Variants in SESN3 observed in about 807,000 individuals in gnomAD.
SESN3 encodes sestrin-3.
A neutral mutation model predicts 55.3 loss-of-function variants in SESN3; 21 were observed. The observed-to-expected ratio is 0.38, with a 90% CI of 0.27 to 0.55. The LOEUF (loss-of-function observed/expected upper bound fraction) is 0.55. Among genes scored for constraint, SESN3 ranks in the 20% least tolerant of loss-of-function variants. The pLI is 0.76. For synonymous variants in SESN3, 181 were observed against 203.1 expected, an observed-to-expected ratio of 0.89 and a Z score of 0.93; for missense variants, 408 against 604.3, an observed-to-expected ratio of 0.68 and a Z score of 3.41.
At chr11:95,212,986 CTT>C (rs994684290) in intron 1 of SESN3, among the ~76,000 whole-genome samples, 1 of 152,080 alleles carries the variant, frequency 6.6e-6, no homozygotes, top group East Asian at 1.9e-4. Context: ...GCTTTTTAAA[CTT>C]TTATAAAATA....
Position 95,223,460 on chromosome 11 carries a change from G to A in SESN3, c.78+7323C>T, listed in dbSNP as rs529412420. ...TTGACCTTTCTTCAGCTGTTGCACA[G>A]TACTAAAGGAGAATATTCCTTCAAA... On this transcript the variant is annotated intron_variant, in intron 1 of 9. Coordinates refer to ENST00000536441, the MANE Select transcript of SESN3 (RefSeq NM_144665.4). Among the ~76,000 whole-genome samples the A allele has an allele frequency of 3.2e-4, 48 of 152,242 alleles. 1 individual carries two copies. Among genetic ancestry groups the A allele is most frequent in the African/African-American group, 1.2e-3 (48 of 41,552 alleles).
rs1447573669 is a variant in SESN3 at position 95,170,415 on chromosome 11, T to A, written c.*2840A>T. 6.6e-6 allele frequency: 1 copy of A among 152,214 alleles called. No homozygotes were observed. The highest frequency in any genetic ancestry group is 1.5e-5 in the Non-Finnish European group (1 of 68,038). The allele number at this position is 152,214 out of a possible 1,614,324, so 9.4% of individuals were successfully genotyped here. A position where few individuals can be genotyped will look rare whatever the true frequency, so the allele number is the denominator to read the frequency against. ...TAAGCAAAGAATTAAAGAATTCACA[T>A]TCACATGTGCTTTTCTCACGTACAC... On this transcript the variant is annotated 3_prime_UTR_variant, in exon 10 of 10. Transcript: ENST00000536441.
intron 1 of SESN3, among the ~76,000 whole-genome samples, chr11:95,212,964 A>C (rs1036133336): frequency 1.2e-4 from 18 of 152,174 alleles, no homozygotes; most frequent in African/African-American, 4.3e-4. Flanking sequence ...CTATTATTTC[A>C]AATCAGTAAT....
In SESN3 at chr11:95,192,458, T is replaced by C. The variant is rs553426269; in HGVS notation, c.145-857A>G. Among the ~76,000 whole-genome samples the C allele has an allele frequency of 1.2e-3, 176 of 152,144 alleles. 2 individuals carry two copies. In the Middle Eastern group the frequency reaches 0.014, roughly 12 times the overall value. On this transcript the variant is annotated intron_variant, in intron 2 of 9. Coordinates refer to ENST00000536441, the MANE Select transcript of SESN3 (RefSeq NM_144665.4). Reference sequence around the variant, plus strand: ...TTCAGAATTGGAATTCTAGACTTATTTTAGAGATAAGGAAACAGATTTAAG... The same window carrying C: ...TTCAGAATTGGAATTCTAGACTTATCTTAGAGATAAGGAAACAGATTTAAG...
chr11:95,220,865 A>T (rs1021621023), intron 1 of SESN3, among the ~76,000 whole-genome samples: 5 of 152,238 alleles, frequency 3.3e-5, no homozygotes, highest in African/African-American at 1.2e-4. Flanking sequence ...TAGTTTCTTT[A>T]TCCATAAACT....
intron 4 of SESN3, among the ~76,000 whole-genome samples, chr11:95,188,551 G>C (rs73530834): frequency 6.6e-6 from 1 of 151,548 alleles, no homozygotes; most frequent in Non-Finnish European, 1.5e-5. Context: ...CATAAACATC[G>C]CTGCACTTCA....
chr11:95,210,654 T>A (rs1226434776), intron 1 of SESN3, among the ~76,000 whole-genome samples: 2 of 152,224 alleles, frequency 1.3e-5, no homozygotes, highest in Non-Finnish European at 2.9e-5. Flanking sequence ...ACAGCAGAAC[T>A]GTGAGCATTT....
intron 1 of SESN3, among the ~76,000 whole-genome samples, chr11:95,198,085 G>C (rs1860395426): frequency 6.6e-6 from 1 of 152,098 alleles, no homozygotes; most frequent in South Asian, 2.1e-4. Flanking sequence ...CTAGGGGCCT[G>C]CATTCAAATG....
Position 95,191,460 on chromosome 11 carries a change from T to C in SESN3, c.286A>G (p.Met96Val). ...LESFLRSQFY[M>V]LRMDGPLPLP... ...GGAAGGGGACCATCCATGCGCAACATGTAAAACTGGCTCCGCAAGAAAGAC... is the reference window on the plus strand; with the variant it reads ...GGAAGGGGACCATCCATGCGCAACACGTAAAACTGGCTCCGCAAGAAAGAC... The change falls in exon 3 of 10, where the codon ATG (methionine) becomes GTG (valine). Residue 96 changes from methionine to valine, a missense_variant. Around this residue, in one of 4 missense-constraint regions of SESN3, gnomAD observed 107 missense variants for 211.3 expected, o/e 0.51. Coordinates refer to ENST00000536441, the MANE Select transcript of SESN3 (RefSeq NM_144665.4). The C allele has an allele frequency of 6.2e-7, 1 of 1,613,030 alleles. No homozygotes were observed. The highest frequency in any genetic ancestry group is 1.1e-5 in the South Asian group (1 of 91,064).
chr11:95,174,507 G>A (rs1859917112), intron 9 of SESN3, among the ~76,000 whole-genome samples: 1 of 152,056 alleles, frequency 6.6e-6, no homozygotes, highest in African/African-American at 2.4e-5. Flanking sequence ...TTCGAGAGAT[G>A]AAGTCTTGCT....
At position 95,178,695 on chromosome 11, in the gene SESN3, A is replaced by T; in HGVS notation, c.1056+15T>A. Reference sequence around the variant, plus strand: ...CAGTATGTTCTAGTTTCTCTGAATTAAAGACATATTATACCTGAGCTCGGA... The same window carrying T: ...CAGTATGTTCTAGTTTCTCTGAATTTAAGACATATTATACCTGAGCTCGGA... On this transcript the variant is annotated intron_variant, in intron 7 of 9. Transcript: ENST00000536441. The T allele has an allele frequency of 6.8e-7, 1 of 1,460,922 alleles. No individual in the cohort carries two copies. The highest frequency in any genetic ancestry group is 9.6e-7 in the Non-Finnish European group (1 of 1,040,376). 90.5% of individuals were successfully genotyped at this position (1,460,922 alleles called of 1,614,324 possible).
At chr11:95,214,494 C>T (rs969909663) in intron 1 of SESN3, among the ~76,000 whole-genome samples, 1 of 152,152 alleles carries the variant, frequency 6.6e-6, no homozygotes, top group Non-Finnish European at 1.5e-5. Flanking sequence ...ATATAATACA[C>T]ATGGCTTGGG....
rs1188145417 is a variant in SESN3, at chr11:95,185,268, GCCT to G, written c.747_749del (p.Gly250del). 1 of 1,603,060 alleles carries G rather than the reference GCCT, an allele frequency of 6.2e-7. No homozygotes were observed. The highest frequency in any genetic ancestry group is 8.5e-7 in the Non-Finnish European group (1 of 1,171,178). On this transcript the variant is annotated inframe_deletion, in exon 5 of 10. Transcript: ENST00000536441. ...TAAGAAAACTAACCCCAAAGTTGCT[GCCT>G]GAAAGAGATGCATTCTCTATGTTGT...
chr11:95,215,614 C>G (rs1302934624), intron 1 of SESN3, among the ~76,000 whole-genome samples: 1 of 151,960 alleles, frequency 6.6e-6, no homozygotes, highest in Non-Finnish European at 1.5e-5. Context: ...CGGTCTGTGT[C>G]CCCTATGAAT....
intron 4 of SESN3, among the ~76,000 whole-genome samples, chr11:95,186,241 T>TGTGTGTGTGTGTGTGTGTGG (rs1209278155): frequency 1.5e-5 from 2 of 136,184 alleles, no homozygotes; most frequent in African/African-American, 2.7e-5. Context: ...TGTGTGTGTG[T>TGTGTGTGTGTGTGTGTGTGG]GGTGTATGTA....
intron 1 of SESN3, among the ~76,000 whole-genome samples, chr11:95,221,838 A>G (rs1860864793): frequency 6.6e-6 from 1 of 152,250 alleles, no homozygotes; most frequent in African/African-American, 2.4e-5. Context: ...ATACTGGCCC[A>G]TAGACCAATA....
chr11:95,213,627 G>GA (rs1216415327), intron 1 of SESN3, among the ~76,000 whole-genome samples: 1 of 151,738 alleles, frequency 6.6e-6, no homozygotes, highest in African/African-American at 2.4e-5. Context: ...GGAGTTGGCT[G>GA]AAAAAAAACT....
At chr11:95,209,539 C>T (rs909521331) in intron 1 of SESN3, among the ~76,000 whole-genome samples, 1 of 151,188 alleles carries the variant, frequency 6.6e-6, no homozygotes, top group Admixed American at 6.6e-5. Context: ...CCCAGCAATC[C>T]CATTAGTGGG....
At chr11:95,184,793 AAATATAG>A (rs1432607638) in intron 5 of SESN3, among the ~76,000 whole-genome samples, 199 bp from the exon 6 acceptor site, 1 of 152,024 alleles carries the variant, frequency 6.6e-6, no homozygotes, top group Non-Finnish European at 1.5e-5. Flanking sequence ...TTTTAGTTAT[AAATATAG>A]AAGTTTATAA....
Sources: allele counts gnomAD v4.1 joint callset (sites outside exome capture counted in the v4.1 genomes callset), GRCh38; gene constraint gnomAD v4.1.1; regional missense constraint gnomAD v4.1.1; transcripts MANE v1.5; gene names NCBI Gene and HGNC (gene_info 2026-07-23, HGNC 2026-07-21).